Variants in KLKB1 observed in about 807,000 individuals in gnomAD.
The protein encoded by KLKB1 is plasma kallikrein.
KLKB1 carries 58 observed loss-of-function variants against 73.6 expected under a neutral mutation model. That is an observed-to-expected ratio of 0.79 (90% CI 0.64 to 0.98). The LOEUF is 0.98. Ranked by LOEUF, KLKB1 falls within the 50% of genes least tolerant of loss-of-function variation. KLKB1 has a pLI of 0.00. For synonymous variants in KLKB1, 280 were observed against 258.1 expected (o/e 1.08, Z -0.81); for missense variants, 737 against 763.8 (o/e 0.96, Z 0.41).
Position 186,239,984 on chromosome 4 carries a change from T to C in KLKB1, c.598+1619T>C, listed in dbSNP as rs1282402891. On this transcript the variant is annotated intron_variant, in intron 6 of 14. Transcript: ENST00000264690. ...ACTGTTAGAGTTATAGGTACAGTGATATAGGACAGTGATATTGTTATAGTT... is the reference window on the plus strand; with the variant it reads ...ACTGTTAGAGTTATAGGTACAGTGACATAGGACAGTGATATTGTTATAGTT... 1.5e-4 allele frequency among the ~76,000 whole-genome samples: 22 copies of C among 150,348 alleles called. No individual in the cohort carries two copies. The South Asian group carries it at 4.2e-3, about 28-fold the overall frequency.
Position 186,252,056 on chromosome 4 carries a change from C to G in KLKB1, c.1184C>G (p.Thr395Arg), listed in dbSNP as rs767899850. 27 of 1,614,042 alleles carry G rather than the reference C, an allele frequency of 1.7e-5. No homozygotes were observed. Among genetic ancestry groups the G allele is most frequent in the Middle Eastern group, 1.6e-4 (1 of 6,084 alleles). Residue 395 changes from threonine to arginine, a missense_variant, in exon 11 of 15, where the codon ACA becomes AGA. Transcript: ENST00000264690. ...ACAAGCACACGCATTGTTGGAGGAA[C>G]AAACTCTTCTTGGGGAGAGTGGCCC... ...TKTSTRIVGGTNSSWGEWPWQ... is the reference protein window; with the variant it reads ...TKTSTRIVGGRNSSWGEWPWQ...
chr4:186,238,432 G>A (rs1561454687), intron 6 of KLKB1, 67 bp downstream of exon 6: 6 of 1,094,990 alleles, frequency 5.5e-6, no homozygotes, highest in Non-Finnish European at 8.5e-6. Flanking sequence ...AGACGTCCCT[G>A]TGCTGAGCCC....
intron 5 of KLKB1, among the ~76,000 whole-genome samples, chr4:186,237,731 A>T (rs1737768828): frequency 6.6e-6 from 1 of 152,130 alleles, no homozygotes; most frequent in South Asian, 2.1e-4. Context: ...TGTATTTTAC[A>T]GTGGTAAAGT....
chr4:186,227,709 ATAATG>A, intron 1 of KLKB1, 122 bp downstream of exon 1: 1 of 158,280 alleles, frequency 6.3e-6, no homozygotes, highest in East Asian at 1.8e-4. Context: ...GAGAGTATAG[ATAATG>A]TTCCTTTATG....
rs1023776105 is a variant in KLKB1 at position 186,228,071 on chromosome 4, C to T, written c.-1-124C>T. ...CAAAAAAAAACCCTTGTTTTCTATA[C>T]CAGTAATTGTGTGCTTTGTCTTGCA... On this transcript the variant is annotated intron_variant, in intron 1 of 14. Transcript: ENST00000264690. The T allele has an allele frequency of 8.9e-6, 6 of 673,958 alleles. No individual in the cohort carries two copies. In the Admixed American group the frequency reaches 9.1e-5, roughly 10 times the overall value. The allele number at this position is 673,958 out of a possible 1,614,324, so 41.7% of individuals were successfully genotyped here.
At chr4:186,233,834 G>A in intron 3 of KLKB1, 118 bp from the exon 4 acceptor site, 1 of 737,714 alleles carries the variant, frequency 1.4e-6, no homozygotes, top group East Asian at 2.7e-5. Context: ...CAAGTATTGG[G>A]GAAGCTATAT....
Position 186,218,948 on chromosome 4 carries a change from A to C in KLKB1, c.201+9676A>C, listed in dbSNP as rs189467886. ...ACAGTGCAGCCTTCAGTCTGTGGTC[A>C]AAGGTCCAAGAGCCCTTGGCAAACC... is the stretch of plus-strand genomic sequence containing the variant. On this transcript the variant is annotated intron_variant, in intron 2 of 14. Coordinates refer to the KLKB1 transcript ENST00000511608. Among the ~76,000 whole-genome samples, 426 of 152,318 alleles carry C rather than the reference A, an allele frequency of 2.8e-3. 4 individuals carry two copies. Among genetic ancestry groups the C allele is most frequent in the African/African-American group, 9.9e-3 (413 of 41,564 alleles).
chr4:186,213,799 T>C (rs1736808622), intron 2 of KLKB1, among the ~76,000 whole-genome samples: 4 of 152,236 alleles, frequency 2.6e-5, no homozygotes, highest in Admixed American at 2.6e-4. Flanking sequence ...TTATCTGGAA[T>C]GTTTCTAGAA....
chr4:186,249,478 C>T (rs918715801), intron 6 of KLKB1, among the ~76,000 whole-genome samples: 2 of 152,122 alleles, frequency 1.3e-5, no homozygotes, highest in African/African-American at 4.8e-5. Flanking sequence ...CTATATATGC[C>T]TATCCTAATG....
chr4:186,234,209 C>T, intron 4 of KLKB1, 151 bp downstream of exon 4: 1 of 683,046 alleles, frequency 1.5e-6, no homozygotes, highest in Admixed American at 2.1e-5. Flanking sequence ...AAAGAGGGAC[C>T]CATATTCATC....
intron 6 of KLKB1, among the ~76,000 whole-genome samples, chr4:186,248,977 G>GA (rs1738529669): frequency 6.6e-6 from 1 of 152,100 alleles, no homozygotes; most frequent in Non-Finnish European, 1.5e-5. Context: ...CATTCTTTGG[G>GA]AAAATCTCTG....
chr4:186,235,821 TA>T (rs11330466), intron 4 of KLKB1, among the ~76,000 whole-genome samples: 3,709 of 148,292 alleles, frequency 0.025, 156 homozygotes, highest in African/African-American at 0.087. Context: ...TTTGAATCTT[TA>T]AAAAAAAAAG....
At position 186,232,184 on chromosome 4, in the gene KLKB1, T is replaced by C; in HGVS notation, c.116T>C (p.Met39Thr). 1.2e-6 allele frequency: 2 copies of C among 1,613,730 alleles called. No homozygotes were observed. Among genetic ancestry groups the C allele is most frequent in the South Asian group, 1.1e-5 (1 of 91,078 alleles). The change falls in exon 3 of 15, where the codon ATG becomes ACG. Residue 39 changes from methionine to threonine, a missense_variant. Met to Thr is a moderately conservative substitution (Grantham distance 81, BLOSUM62 -1). Transcript: ENST00000264690. ...TTCAGAGGTGGGGATGTAGCTTCCA[T>C]GTACACCCCAAATGCCCAATACTGC... The part of the protein sequence containing the change: ...AFFRGGDVAS[M>T]YTPNAQYCQM...
In KLKB1 at chr4:186,252,106, C is replaced by G. The variant is rs367814390; in HGVS notation, c.1234C>G (p.Leu412Val). ...CTGGCAGGTGAGCCTGCAGGTGAAGCTGACAGCTCAGAGGCACCTGTGTGG... is the reference window on the plus strand; with the variant it reads ...CTGGCAGGTGAGCCTGCAGGTGAAGGTGACAGCTCAGAGGCACCTGTGTGG... Reference protein sequence around the residue: ...WPWQVSLQVKLTAQRHLCGGS... With the variant: ...WPWQVSLQVKVTAQRHLCGGS... The change falls in exon 11 of 15, where the codon CTG becomes GTG. Residue 412 changes from leucine to valine, a missense_variant. Coordinates refer to ENST00000264690, the MANE Select transcript of KLKB1 (RefSeq NM_000892.5). 44 of 1,613,922 alleles carry G rather than the reference C, an allele frequency of 2.7e-5. 1 individual carries two copies. The Middle Eastern group carries it at 4.9e-4, about 18-fold the overall frequency.
chr4:186,244,497 A>G (rs1330233770), intron 6 of KLKB1, among the ~76,000 whole-genome samples: 1 of 152,178 alleles, frequency 6.6e-6, no homozygotes, highest in Non-Finnish European at 1.5e-5. Context: ...AGTACAGCCC[A>G]AGTAAGTTGC....
rs1005775348 is a variant in KLKB1, at chr4:186,238,924, ATACTGT to A, written c.598+562_598+567del. 4.4e-3 allele frequency among the ~76,000 whole-genome samples: 493 copies of A among 111,818 alleles called. 9 individuals carry two copies. The highest frequency in any genetic ancestry group is 0.015 in the African/African-American group (467 of 30,816). The allele number at this position is 111,818 out of a possible 152,430, so 73.4% of individuals were successfully genotyped here. A position where few individuals can be genotyped will look rare whatever the true frequency, so the allele number is the denominator to read the frequency against. On this transcript the variant is annotated intron_variant, in intron 6 of 14. Transcript: ENST00000264690. ...TATAGGACAGTGATATAGGACAGTG[ATACTGT>A]TATAGTTATAGGAAACTAGTACAGT...
chr4:186,219,718 T>C (rs1736991961), intron 2 of KLKB1, among the ~76,000 whole-genome samples: 1 of 152,140 alleles, frequency 6.6e-6, no homozygotes, highest in Admixed American at 6.5e-5. Context: ...TCTCAGCAGG[T>C]TGTGGTTTTT....
intron 6 of KLKB1, among the ~76,000 whole-genome samples, chr4:186,238,712 G>A (rs774687008): frequency 1.8e-4 from 28 of 152,200 alleles, no homozygotes; most frequent in Non-Finnish European, 3.8e-4. Flanking sequence ...TGAAAAGGGC[G>A]AGGAAAGAGT....
chr4:186,239,966 G>T (rs71640036), intron 6 of KLKB1, among the ~76,000 whole-genome samples: 63,352 of 117,764 alleles, frequency 0.54, 19,389 homozygotes, highest in East Asian at 0.66. Flanking sequence ...GATACTGTTA[G>T]AGTTATAGGT....
Sources: allele counts gnomAD v4.1 joint callset (sites outside exome capture counted in the v4.1 genomes callset), GRCh38; gene constraint gnomAD v4.1.1; transcripts MANE v1.5; gene names NCBI Gene and HGNC (gene_info 2026-07-23, HGNC 2026-07-21).